PDE1A: variants seen among roughly 807,000 people sequenced by gnomAD.
The protein encoded by PDE1A is phosphodiesterase 1A, also known as dual specificity calcium/calmodulin-dependent 3',5'-cyclic nucleotide phosphodiesterase 1A.
PDE1A carries 35 observed loss-of-function variants against 61.7 expected under a neutral mutation model. That is an observed-to-expected ratio of 0.57 (90% CI 0.43 to 0.75). The LOEUF is 0.75. PDE1A is among the 30% of genes least tolerant of loss of function. PDE1A has a pLI of 0.00. For missense variants in PDE1A, 597 were observed against 630.6 expected, an observed-to-expected ratio of 0.95 and a Z score of 0.57; for synonymous variants, 232 against 213.2, an observed-to-expected ratio of 1.09 and a Z score of -0.77.
chr2:182,334,265 GAGAC>G (rs757788680), intron 1 of PDE1A, among the ~76,000 whole-genome samples: 13 of 149,126 alleles, frequency 8.7e-5, no homozygotes, highest in East Asian at 2.0e-4. Flanking sequence ...AACCCTGGAA[GAGAC>G]ACACACACAC....
At chr2:182,592,658 G>A in the PDE1A span, among the ~76,000 whole-genome samples, 1 of 152,166 alleles carries the variant, frequency 6.6e-6, no homozygotes, top group Non-Finnish European at 1.5e-5. Flanking sequence ...TAAGGACAGG[G>A]CAAATCAAGT....
the PDE1A span, among the ~76,000 whole-genome samples, chr2:182,565,039 T>G: frequency 6.6e-6 from 1 of 152,056 alleles, no homozygotes; most frequent in South Asian, 2.1e-4. Context: ...GTCTGAAGCC[T>G]TCTTCTCTCA....
chr2:182,387,905 A>AT (rs1233478420), intron 1 of PDE1A, among the ~76,000 whole-genome samples: 2 of 152,242 alleles, frequency 1.3e-5, no homozygotes, highest in Non-Finnish European at 2.9e-5. Flanking sequence ...GGTTGAATGG[A>AT]TAAAAAAAGA....
intron 3 of PDE1A, among the ~76,000 whole-genome samples, chr2:182,235,936 C>A (rs1239546759): frequency 1.3e-5 from 2 of 152,206 alleles, no homozygotes; most frequent in African/African-American, 4.8e-5. Flanking sequence ...TAAAAGCCAT[C>A]ATTTGTTAAA....
chr2:182,533,510 T>G, the PDE1A span, among the ~76,000 whole-genome samples: 2,357 of 152,150 alleles, frequency 0.015, 29 homozygotes, highest in Middle Eastern at 0.034. Flanking sequence ...GAGGGAAGTT[T>G]ATGATTACTG....
chr2:182,529,623 G>A, the PDE1A span, among the ~76,000 whole-genome samples: 1 of 152,298 alleles, frequency 6.6e-6, no homozygotes, highest in Admixed American at 6.5e-5. Flanking sequence ...GGAATGATAT[G>A]TGTGTCTCCA....
chr2:182,404,070 T>A (rs1379717844), intron 1 of PDE1A, among the ~76,000 whole-genome samples: 1 of 152,056 alleles, frequency 6.6e-6, no homozygotes, highest in Non-Finnish European at 1.5e-5. Flanking sequence ...AAAAGTCATA[T>A]CCTACAAGAG....
chr2:182,578,695 A>C, the PDE1A span, among the ~76,000 whole-genome samples: 8 of 152,210 alleles, frequency 5.3e-5, no homozygotes, highest in African/African-American at 1.7e-4. Flanking sequence ...ATGAACCTGA[A>C]AGAATGGTAT....
chr2:182,449,485 T>G (rs2125709612), intron 2 of PDE1A, among the ~76,000 whole-genome samples: 1 of 152,134 alleles, frequency 6.6e-6, no homozygotes, highest in Middle Eastern at 3.4e-3. Flanking sequence ...CCTCATTACC[T>G]CTTCCTATAC....
chr2:182,403,238 G>A (rs956246572), intron 1 of PDE1A, among the ~76,000 whole-genome samples: 1 of 152,254 alleles, frequency 6.6e-6, no homozygotes, highest in African/African-American at 2.4e-5. Flanking sequence ...ATTTATTGCG[G>A]CACTGTTTAC....
At chr2:182,242,899 C>CTCTCTCT (rs1690647447) in intron 2 of PDE1A, among the ~76,000 whole-genome samples, 5 of 103,678 alleles carry the variant, frequency 4.8e-5, no homozygotes, top group Admixed American at 9.5e-5. Context: ...TCTCTCTCTC[C>CTCTCTCT]CTCTCTCTCT....
intron 1 of PDE1A, among the ~76,000 whole-genome samples, chr2:182,301,557 G>A (rs1165766418): frequency 6.6e-6 from 1 of 152,130 alleles, no homozygotes; most frequent in African/African-American, 2.4e-5. Flanking sequence ...TAGAGTAAGG[G>A]TTCTACTAAA....
chr2:182,303,206 A>G (rs941996618), intron 1 of PDE1A, among the ~76,000 whole-genome samples: 3 of 152,296 alleles, frequency 2.0e-5, no homozygotes, highest in Admixed American at 6.5e-5. Flanking sequence ...CCCAGATCCA[A>G]CAAAGGAATC....
At chr2:182,671,097 C>T in the PDE1A span, among the ~76,000 whole-genome samples, 3 of 152,090 alleles carry the variant, frequency 2.0e-5, no homozygotes, top group Admixed American at 6.6e-5. Flanking sequence ...GTATTACAGG[C>T]ATCCAGCCAC....
the PDE1A span, among the ~76,000 whole-genome samples, chr2:182,700,721 C>CAAAAAAAAAAAAAAAAAA: frequency 6.9e-3 from 165 of 23,956 alleles, 15 homozygotes; most frequent in Middle Eastern, 0.031. Context: ...GACTCCATCT[C>CAAAAAAAAAAAAAAAAAA]AAAAAAAAAA....
chr2:182,575,701 C>T, the PDE1A span, among the ~76,000 whole-genome samples: 1 of 140,566 alleles, frequency 7.1e-6, no homozygotes, highest in Non-Finnish European at 1.5e-5. Context: ...ACAATTATTC[C>T]ATTATGTATC....
chr2:182,579,089 AAC>A, the PDE1A span, among the ~76,000 whole-genome samples: 1 of 152,218 alleles, frequency 6.6e-6, no homozygotes, highest in African/African-American at 2.4e-5. Flanking sequence ...ATAACCTGAA[AAC>A]AGTTTTGAAA....
chr2:182,536,644 T>C, the PDE1A span, among the ~76,000 whole-genome samples: 6 of 152,172 alleles, frequency 3.9e-5, no homozygotes, highest in Non-Finnish European at 8.8e-5. Flanking sequence ...CAAACATGGA[T>C]AATATATTTA....
rs116967250 is a variant in PDE1A, at chr2:182,267,352, A to C, written c.54-2938T>G. On this transcript the variant is annotated intron_variant, in intron 1 of 13. Transcript: ENST00000351439. ...TCCACTGGGGAAAAACACTTCAGTAAGGTTTTACCACCCAATTAGAAAATG... is the reference window on the plus strand; with the variant it reads ...TCCACTGGGGAAAAACACTTCAGTACGGTTTTACCACCCAATTAGAAAATG... 4.9e-4 allele frequency among the ~76,000 whole-genome samples: 74 copies of C among 152,150 alleles called. 1 individual carries two copies. In the East Asian group the frequency reaches 0.014, roughly 29 times the overall value.
Sources: allele counts gnomAD v4.1 joint callset (sites outside exome capture counted in the v4.1 genomes callset), GRCh38; gene constraint gnomAD v4.1.1; transcripts MANE v1.5; gene names NCBI Gene and HGNC (gene_info 2026-07-23, HGNC 2026-07-21).